The following RDH8 variants were observed in gnomAD, a reference collection of about 807,000 sequenced individuals.
RDH8 encodes photoreceptor outer segment all-trans retinol dehydrogenase.
A neutral mutation model predicts 22.3 loss-of-function variants in RDH8; 14 were observed. That is an observed-to-expected ratio of 0.63 (90% CI 0.42 to 0.98). The LOEUF (loss-of-function observed/expected upper bound fraction) is 0.98. RDH8 is among the 50% of genes least tolerant of loss of function. RDH8 has a pLI of 0.00. For synonymous variants in RDH8, 175 were observed against 171.7 expected, an observed-to-expected ratio of 1.02 and a Z score of -0.15; for missense variants, 389 against 409.8, an observed-to-expected ratio of 0.95 and a Z score of 0.44.
In RDH8 at chr19:10,021,573, C is replaced by T. The variant is rs1453109297; in HGVS notation, c.760C>T (p.Arg254Cys). Residue 254 changes from arginine to cysteine, a missense_variant, in exon 6 of 6, where the codon CGC becomes TGC. Physicochemically the swap from Arg to Cys is radical, Grantham distance 180. Coordinates refer to ENST00000591589, the MANE Select transcript of RDH8 (RefSeq NM_015725.4). ...CATCAGCTCGACTCGACCACCCCTG[C>T]GCCGACAGACCAACATCCGCTACTC... ...NVISSTRPPL[R>C]RQTNIRYSPL... 9 of 1,614,136 alleles carry T rather than the reference C, an allele frequency of 5.6e-6. No individual in the cohort carries two copies. Among genetic ancestry groups the T allele is most frequent in the Middle Eastern group, 1.6e-4 (1 of 6,062 alleles).
Position 10,020,750 on chromosome 19 carries a change from C to T in RDH8, c.484C>T (p.Leu162=), listed in dbSNP as rs1055159145. The T allele has an allele frequency of 1.9e-6, 3 of 1,611,582 alleles. No individual in the cohort carries two copies. Among genetic ancestry groups the T allele is most frequent in the East Asian group, 2.2e-5 (1 of 44,882 alleles). The change falls in exon 4 of 6, where the codon CTG becomes TTG. Residue 162 remains leucine (L), a synonymous_variant. Transcript: ENST00000591589. ...NDVYAASKFA[L]EGFFESLAIQ... is the part of the protein sequence containing the mutation. ...TGTCTATGCAGCTTCCAAGTTCGCC[C>T]TGGAGGGATTCTTCGAAAGCCTCGC...
intron 4 of RDH8, 53 bp from the exon 5 acceptor site, chr19:10,021,201 AG>A: frequency 6.5e-7 from 1 of 1,542,542 alleles, no homozygotes. Flanking sequence ...TGGACAAAAT[AG>A]GTCAGGGAGT....
At chr19:10,021,212 T>C in intron 4 of RDH8, 43 bp from the exon 5 acceptor site, 2 of 1,542,872 alleles carry the variant, frequency 1.3e-6, no homozygotes, top group Admixed American at 1.9e-5. Context: ...GGTCAGGGAG[T>C]GGTTGGGGCA....
intron 2 of RDH8, 105 bp downstream of exon 2, chr19:10,017,320 T>G: frequency 8.0e-7 from 1 of 1,250,192 alleles, no homozygotes; most frequent in Non-Finnish European, 1.1e-6. Flanking sequence ...TTCAGCAATC[T>G]CTGAACCTGG....
At chr19:10,018,260 T>TA (rs1490605186) in intron 2 of RDH8, among the ~76,000 whole-genome samples, 1 of 151,830 alleles carries the variant, frequency 6.6e-6, no homozygotes, top group Non-Finnish European at 1.5e-5. Flanking sequence ...TCAATTTTTT[T>TA]AAAAAACAAA....
chr19:10,013,677 T>A, intron 1 of RDH8, 77 bp downstream of exon 1: 2 of 1,486,192 alleles, frequency 1.3e-6, no homozygotes, highest in Non-Finnish European at 1.9e-6. Flanking sequence ...TACCCATCCC[T>A]CCCAGCTGCA....
intron 5 of RDH8, 47 bp from the exon 6 acceptor site, chr19:10,021,487 G>A (rs763819962): frequency 4.3e-6 from 7 of 1,613,738 alleles, no homozygotes; most frequent in African/African-American, 1.3e-5. Flanking sequence ...TATGTTGCGG[G>A]GTGAGGCCCT....
chr19:10,016,277 G>GCAGTCCCAAGC (rs961250574), intron 1 of RDH8, among the ~76,000 whole-genome samples: 1 of 149,370 alleles, frequency 6.7e-6, no homozygotes, highest in Non-Finnish European at 1.5e-5. Context: ...CTCCCAAGTA[G>GCAGTCCCAAGC]CTGGGACTAC....
rs905213490 is a variant in RDH8, at chr19:10,015,965, A to AAT, written c.104-1077_104-1076dup. Among the ~76,000 whole-genome samples the AAT allele has an allele frequency of 1.2e-3, 187 of 149,710 alleles. 1 individual carries two copies. Among genetic ancestry groups the AAT allele is most frequent in the African/African-American group, 3.9e-3 (156 of 40,120 alleles). ...GAGTGAAACTTCGTCTCAAAAAAAA[A>AAT]ATATATATATATATATGGCTATTCA... is the stretch of plus-strand genomic sequence containing the variant. On this transcript the variant is annotated intron_variant, in intron 1 of 5. Coordinates refer to ENST00000591589, the MANE Select transcript of RDH8 (RefSeq NM_015725.4).
In RDH8 at chr19:10,013,526, T is replaced by A; in HGVS notation, c.29T>A (p.Ile10Asn). ...GCCGCTGCACCCCGGACTGTGTTGA[T>A]CTCCGGCTGCTCATCAGGAATTGGT... is the stretch of plus-strand genomic sequence containing the variant. MAAAPRTVL[I>N]SGCSSGIGLE... is the part of the protein sequence containing the mutation. The change falls in exon 1 of 6, where the codon ATC becomes AAC. Residue 10 changes from isoleucine (I) to asparagine (N), a missense_variant. Physicochemically the swap from Ile to Asn is moderately radical, Grantham distance 149. Coordinates refer to ENST00000591589, the MANE Select transcript of RDH8 (RefSeq NM_015725.4). The A allele has an allele frequency of 6.2e-7, 1 of 1,613,766 alleles. No individual in the cohort carries two copies. The highest frequency in any genetic ancestry group is 8.5e-7 in the Non-Finnish European group (1 of 1,180,000).
intron 2 of RDH8, among the ~76,000 whole-genome samples, chr19:10,017,655 AT>A (rs977021519): frequency 1.5e-4 from 23 of 150,158 alleles, no homozygotes; most frequent in African/African-American, 4.6e-4. Context: ...CTCAAAAATA[AT>A]TTTTTTTTTG....
chr19:10,019,855 CTT>C (rs2087644822), intron 3 of RDH8, among the ~76,000 whole-genome samples: 1 of 151,158 alleles, frequency 6.6e-6, no homozygotes, highest in Non-Finnish European at 1.5e-5. Context: ...AACAACAAAA[CTT>C]TGGCCAGATG....
chr19:10,019,056 G>A (rs2087640157), intron 3 of RDH8, 146 bp downstream of exon 3: 1 of 652,378 alleles, frequency 1.5e-6, no homozygotes, highest in Non-Finnish European at 2.4e-6. Flanking sequence ...TAGCACTTTG[G>A]GAGGCTGAGA....
At position 10,022,069 on chromosome 19, in the gene RDH8, G is replaced by C; in HGVS notation, c.*320G>C. ...GTTATGAGCCTTGAAGGAAGAGACA[G>C]ACTCTGCTACATTCAACCTCGTGAC... is the stretch of plus-strand genomic sequence containing the variant. On this transcript the variant is annotated 3_prime_UTR_variant, in exon 6 of 6. Coordinates refer to ENST00000591589, the MANE Select transcript of RDH8 (RefSeq NM_015725.4). 1 of 329,060 alleles carries C rather than the reference G, an allele frequency of 3.0e-6. No individual in the cohort carries two copies. Among genetic ancestry groups the C allele is most frequent in the South Asian group, 3.7e-5 (1 of 26,706 alleles). The allele number at this position is 329,060 out of a possible 1,614,324, so 20.4% of individuals were successfully genotyped here.
intron 4 of RDH8, 56 bp downstream of exon 4, chr19:10,020,858 C>A: frequency 1.6e-6 from 2 of 1,271,192 alleles, no homozygotes; most frequent in Non-Finnish European, 2.3e-6. Flanking sequence ...GAGGTGGCAT[C>A]GAAAGGGGGA....
intron 4 of RDH8, 116 bp from the exon 5 acceptor site, chr19:10,021,139 A>C (rs1599244450): frequency 1.0e-6 from 1 of 958,390 alleles, no homozygotes; most frequent in Non-Finnish European, 1.5e-6. Flanking sequence ...ATGCCACTGC[A>C]CTCCAGCCTG....
rs373889263 is a variant in RDH8 at position 10,017,109 on chromosome 19, T to C, written c.156T>C (p.Ala52=). The C allele has an allele frequency of 1.2e-6, 2 of 1,606,612 alleles. No individual in the cohort carries two copies. The highest frequency in any genetic ancestry group is 3.4e-5 in the Admixed American group (2 of 59,594). The part of the protein sequence containing the change: ...LGKKETLEAA[A]GEALGQTLTV... ...AGAAGGAGACACTGGAGGCAGCTGC[T>C]GGGGAGGCTCTGGGGCAGACCCTCA... is the stretch of plus-strand genomic sequence containing the variant. Residue 52 remains alanine (A), a synonymous_variant, in exon 2 of 6, where the codon GCT becomes GCC. Coordinates refer to ENST00000591589, the MANE Select transcript of RDH8 (RefSeq NM_015725.4).
intron 3 of RDH8, among the ~76,000 whole-genome samples, chr19:10,019,821 T>TAAAC (rs35825272): frequency 0.016 from 2,360 of 150,250 alleles, 36 homozygotes; most frequent in African/African-American, 0.047. Context: ...AATAAATAAG[T>TAAAC]AAACAAACAA....
intron 3 of RDH8, 31 bp downstream of exon 3, chr19:10,018,941 C>T: frequency 6.4e-7 from 1 of 1,558,240 alleles, no homozygotes; most frequent in Non-Finnish European, 8.8e-7. Context: ...CCTGGAAATC[C>T]CACCAGTGTC....
Sources: gnomAD v4.1 joint callset for allele counts (sites outside exome capture counted in the v4.1 genomes callset) on GRCh38, gnomAD v4.1.1 for gene constraint, MANE v1.5 for transcripts, NCBI Gene and HGNC (gene_info 2026-07-23, HGNC 2026-07-21) for gene names.